The following NFATC1 variants were observed in gnomAD, a reference collection of about 807,000 sequenced individuals.
NFATC1 encodes nuclear factor of activated T cells 1.
A neutral mutation model predicts 76.0 loss-of-function variants in NFATC1; 22 were observed. That is an observed-to-expected ratio of 0.29 (90% confidence interval 0.21 to 0.41). The LOEUF (loss-of-function observed/expected upper bound fraction) is 0.41, where lower values mean the gene tolerates loss of function less well. NFATC1 is among the 10% of genes least tolerant of loss of function. The pLI, the probability that NFATC1 is intolerant of heterozygous loss-of-function variation, is 1.00. For synonymous variants in NFATC1, 704 were observed against 613.1 expected (o/e 1.15, Z -2.19); for missense variants, 1,357 against 1,337.7 (o/e 1.01, Z -0.23).
intron 1 of NFATC1, among the ~76,000 whole-genome samples, chr18:79,407,455 T>C (rs2085482437): frequency 6.6e-6 from 1 of 152,120 alleles, no homozygotes; most frequent in Non-Finnish European, 1.5e-5. Flanking sequence ...GATTTATTGA[T>C]TTATTGATTT....
intron 9 of NFATC1, among the ~76,000 whole-genome samples, chr18:79,503,732 T>C (rs1441964825): frequency 6.6e-6 from 1 of 152,252 alleles, no homozygotes; most frequent in Non-Finnish European, 1.5e-5. Flanking sequence ...CCTCTCCAGC[T>C]ATGGGAGTCC....
intron 1 of NFATC1, among the ~76,000 whole-genome samples, chr18:79,405,803 A>G (rs115663121): frequency 9.1e-4 from 139 of 152,314 alleles, no homozygotes; most frequent in African/African-American, 3.2e-3. Context: ...GCCTCATCGA[A>G]TCAGGTTTTA....
At chr18:79,503,471 T>A (rs577265075) in intron 9 of NFATC1, among the ~76,000 whole-genome samples, 1 of 152,360 alleles carries the variant, frequency 6.6e-6, no homozygotes, top group African/African-American at 2.4e-5. Flanking sequence ...GGGCTCTTTT[T>A]ATGAGCAGTT....
In NFATC1 at chr18:79,527,673, C is replaced by T; in HGVS notation, c.*96C>T. 7.3e-6 allele frequency: 8 copies of T among 1,088,726 alleles called. No homozygotes were observed. Among genetic ancestry groups the T allele is most frequent in the Non-Finnish European group, 1.1e-5 (8 of 713,300 alleles). 67.4% of individuals were successfully genotyped at this position (1,088,726 alleles called of 1,614,324 possible). On this transcript the variant is annotated 3_prime_UTR_variant, in exon 10 of 10. Coordinates refer to ENST00000427363, the MANE Select transcript of NFATC1 (RefSeq NM_001278669.2). ...AACTGAACTCACACCTGGTACCACTCAGAACCTCCAACTGACTGAATGCCA... is the reference window on the plus strand; with the variant it reads ...AACTGAACTCACACCTGGTACCACTTAGAACCTCCAACTGACTGAATGCCA...
chr18:79,402,680 A>G (rs763141434), intron 1 of NFATC1, among the ~76,000 whole-genome samples: 3 of 152,198 alleles, frequency 2.0e-5, no homozygotes, highest in Non-Finnish European at 4.4e-5. Flanking sequence ...GGTGTCAAGA[A>G]GTTGCTAGGA....
intron 1 of NFATC1, among the ~76,000 whole-genome samples, chr18:79,399,903 G>T (rs1285902516): frequency 6.6e-6 from 1 of 152,180 alleles, no homozygotes; most frequent in Admixed American, 6.5e-5. Context: ...CGCAGGGCGC[G>T]CACGTGGCGC....
intron 8 of NFATC1, among the ~76,000 whole-genome samples, chr18:79,475,166 C>T (rs987473131): frequency 2.1e-5 from 3 of 142,622 alleles, no homozygotes; most frequent in East Asian, 2.1e-4. Flanking sequence ...CACTCACTGT[C>T]GACGTTGTAA....
chr18:79,448,092 A>G (rs552195664), intron 3 of NFATC1, among the ~76,000 whole-genome samples: 89 of 152,258 alleles, frequency 5.8e-4, no homozygotes, highest in African/African-American at 2.0e-3. Flanking sequence ...TTTGAGTCTC[A>G]CCCACACGGC....
At chr18:79,466,525 A>G (rs762333538) in intron 7 of NFATC1, among the ~76,000 whole-genome samples, 35 of 152,150 alleles carry the variant, frequency 2.3e-4, no homozygotes, top group Non-Finnish European at 5.9e-5. Context: ...ACCTCTGCGA[A>G]CAGCGCCACA....
chr18:79,504,791 G>A (rs2012810382), intron 9 of NFATC1, among the ~76,000 whole-genome samples: 1 of 151,422 alleles, frequency 6.6e-6, no homozygotes, highest in African/African-American at 2.4e-5. Flanking sequence ...AGGTGGTGCT[G>A]GAGGCCCTTG....
Position 79,521,152 on chromosome 18 carries a change from AG to A in NFATC1, c.2783-6369del, listed in dbSNP as rs200831291. ...GATGTGTGTGTCTGTGTGTGTGTGT[AG>A]GGGGGGAGCATCCACTGATGTGTGT... On this transcript the variant is annotated intron_variant, in intron 9 of 9. Transcript: ENST00000427363. 7.1e-3 allele frequency among the ~76,000 whole-genome samples: 77 copies of A among 10,904 alleles called. 1 individual carries two copies. Among genetic ancestry groups the A allele is most frequent in the Non-Finnish European group, 0.011 (64 of 6,014 alleles). 7.2% of individuals were successfully genotyped at this position (10,904 alleles called of 152,430 possible).
intron 5 of NFATC1, 70 bp downstream of exon 5, chr18:79,451,196 C>G (rs527850230): frequency 6.6e-7 from 1 of 1,513,156 alleles, no homozygotes; most frequent in African/African-American, 1.4e-5. Context: ...GTCTCACCCG[C>G]TCTCAGCTTT....
At position 79,411,058 on chromosome 18, in the gene NFATC1, C is replaced by T. The variant is rs780150773; in HGVS notation, c.783C>T (p.Ser261=). The T allele has an allele frequency of 2.6e-5, 42 of 1,611,890 alleles. No homozygotes were observed. Among genetic ancestry groups the T allele is most frequent in the Middle Eastern group, 1.6e-4 (1 of 6,082 alleles). The change falls in exon 2 of 10, where the codon TCC becomes TCT. Residue 261 remains serine, a synonymous_variant. Transcript: ENST00000427363. The part of the protein sequence containing the change: ...WLGARSSRPA[S]PCNKRKYSLN... ...GTGCCCGCTCCTCCAGACCCGCGTCCCCTTGCAACAAGAGGAAGTACAGCC... is the reference window on the plus strand; with the variant it reads ...GTGCCCGCTCCTCCAGACCCGCGTCTCCTTGCAACAAGAGGAAGTACAGCC...
At chr18:79,471,608 C>T (rs1346717471) in intron 8 of NFATC1, among the ~76,000 whole-genome samples, 6 of 152,188 alleles carry the variant, frequency 3.9e-5, no homozygotes, top group Non-Finnish European at 8.8e-5. Flanking sequence ...GGCCCTAGGT[C>T]CCTGTGGGAA....
At chr18:79,407,460 T>C (rs972175533) in intron 1 of NFATC1, among the ~76,000 whole-genome samples, 3 of 152,156 alleles carry the variant, frequency 2.0e-5, no homozygotes, top group Admixed American at 1.3e-4. Flanking sequence ...ATTGATTTAT[T>C]GATTTGACAG....
At chr18:79,521,000 T>TA (rs2090536033) in intron 9 of NFATC1, among the ~76,000 whole-genome samples, 1 of 28,696 alleles carries the variant, frequency 3.5e-5, no homozygotes, top group Non-Finnish European at 6.2e-5. Context: ...TCTGTGTGTG[T>TA]GGGGGGGGGC....
chr18:79,518,222 C>T (rs1390490294), intron 9 of NFATC1, among the ~76,000 whole-genome samples: 1 of 152,250 alleles, frequency 6.6e-6, no homozygotes, highest in Non-Finnish European at 1.5e-5. Flanking sequence ...TGTGTCTGAA[C>T]AGCTTTTCCC....
intron 9 of NFATC1, among the ~76,000 whole-genome samples, chr18:79,520,175 G>A (rs1600995021): frequency 6.6e-6 from 1 of 152,342 alleles, no homozygotes; most frequent in African/African-American, 2.4e-5. Flanking sequence ...CCTTCTCGAA[G>A]CCCCTCCGGG....
At chr18:79,432,162 T>C (rs1381783600) in intron 2 of NFATC1, among the ~76,000 whole-genome samples, 1 of 152,238 alleles carries the variant, frequency 6.6e-6, no homozygotes, top group Non-Finnish European at 1.5e-5. Flanking sequence ...GCATGTCCCA[T>C]GTCTCTGGGG....
Sources: allele counts gnomAD v4.1 joint callset (sites outside exome capture counted in the v4.1 genomes callset), GRCh38; gene constraint gnomAD v4.1.1; transcripts MANE v1.5; gene names NCBI Gene and HGNC (gene_info 2026-07-23, HGNC 2026-07-21).